The following PLAUR variants were observed in gnomAD, a reference collection of about 807,000 sequenced individuals.
PLAUR encodes the protein urokinase plasminogen activator surface receptor.
A neutral mutation model predicts 33.4 loss-of-function variants in PLAUR; 22 were observed. The observed-to-expected ratio is 0.66, with a 90% CI of 0.47 to 0.94. PLAUR has a LOEUF of 0.94. Among genes scored for constraint, PLAUR ranks in the 40% least tolerant of loss-of-function variants. The pLI, the probability that PLAUR is intolerant of heterozygous loss-of-function variation, is 0.00. For synonymous variants in PLAUR, 148 were observed against 167.3 expected, an observed-to-expected ratio of 0.88 and a Z score of 0.89; for missense variants, 408 against 434.7, an observed-to-expected ratio of 0.94 and a Z score of 0.55.
chr19:43,650,073 A>G (rs1973932486), intron 6 of PLAUR, among the ~76,000 whole-genome samples: 2 of 147,826 alleles, frequency 1.4e-5, no homozygotes, highest in Non-Finnish European at 3.0e-5. Context: ...GTGCAGTGGC[A>G]CGATCTCGGC....
intron 1 of PLAUR, chr19:43,668,149 A>G (rs780874736): frequency 3.0e-6 from 3 of 994,482 alleles, no homozygotes; most frequent in Non-Finnish European, 3.6e-6. Flanking sequence ...CCAGTGCCCT[A>G]ATGGAACTAT....
Position 43,654,125 on chromosome 19 carries a change from G to GAA in PLAUR, c.607+1312_607+1313dup, listed in dbSNP as rs533258807. On this transcript the variant is annotated intron_variant, in intron 5 of 6. Transcript: ENST00000340093. The stretch of plus-strand genomic sequence containing the variant: ...GGCAACAGCGCAAGACTCCATCTCA[G>GAA]AAAAAAAAAAAAAATGTAGCTGGGT... Among the ~76,000 whole-genome samples, 872 of 135,756 alleles carry GAA rather than the reference G, an allele frequency of 6.4e-3. 12 individuals carry two copies. Among genetic ancestry groups the GAA allele is most frequent in the African/African-American group, 0.022 (797 of 36,880 alleles). The allele number at this position is 135,756 out of a possible 152,430, so 89.1% of individuals were successfully genotyped here.
chr19:43,646,442 A>G (rs548739224), downstream of PLAUR: 66 of 718,000 alleles, frequency 9.2e-5, no homozygotes, highest in East Asian at 1.6e-3. Flanking sequence ...CTGGGGCTCT[A>G]TCTCCACATG....
chr19:43,668,052 C>A (rs929279070), intron 1 of PLAUR: 1 of 1,065,096 alleles, frequency 9.4e-7, no homozygotes, highest in Non-Finnish European at 1.1e-6. Flanking sequence ...ACCGCACCGG[C>A]CCTCGGTCGA....
At chr19:43,667,251 T>C in intron 2 of PLAUR, 1 of 369,104 alleles carries the variant, frequency 2.7e-6, no homozygotes, top group Admixed American at 4.0e-5. Flanking sequence ...CCTGGGTATA[T>C]GTGGCCAAGG....
Position 43,655,552 on chromosome 19 carries a change from T to C in PLAUR, c.494A>G (p.His165Arg). 1 of 1,614,064 alleles carries C rather than the reference T, an allele frequency of 6.2e-7. No homozygotes were observed. The highest frequency in any genetic ancestry group is 8.5e-7 in the Non-Finnish European group (1 of 1,179,990). Residue 165 changes from histidine (H) to arginine (R), a missense_variant, in exon 5 of 7, where the codon CAC becomes CGC. His to Arg is a conservative substitution (Grantham distance 29). Coordinates refer to ENST00000340093, the MANE Select transcript of PLAUR (RefSeq NM_002659.4). ...GEEGRPKDDR[H>R]LRGCGYLPGC... is the part of the protein sequence containing the mutation. Reference sequence around the variant, plus strand: ...GGGAAGGTAGCCACAGCCACGGAGGTGGCGGTCATCCTTTGGACGCCCTAT... The same window carrying C: ...GGGAAGGTAGCCACAGCCACGGAGGCGGCGGTCATCCTTTGGACGCCCTAT...
At chr19:43,658,282 T>C (rs1486735090) in intron 3 of PLAUR, among the ~76,000 whole-genome samples, 2 of 152,172 alleles carry the variant, frequency 1.3e-5, no homozygotes, top group Non-Finnish European at 2.9e-5. Context: ...GGAGCATTCA[T>C]GTGAGTGAAG....
At chr19:43,653,290 C>T (rs989270114) in intron 5 of PLAUR, among the ~76,000 whole-genome samples, 2 of 152,198 alleles carry the variant, frequency 1.3e-5, no homozygotes, top group African/African-American at 4.8e-5. Flanking sequence ...GGGAACATTT[C>T]TATCTGTTGA....
rs922394887 is a variant in PLAUR, at chr19:43,665,573, T to G, written c.167-114A>C. ...GGGCTGATCTCTGCTAGGCCTCTTC[T>G]GTTATTTGAGTCGAACTCTGTCTTT... On this transcript the variant is annotated intron_variant, in intron 2 of 6. Transcript: ENST00000340093. The G allele has an allele frequency of 2.9e-6, 3 of 1,050,024 alleles. No homozygotes were observed. The African/African-American group carries it at 4.8e-5, about 17-fold the overall frequency. 65.0% of individuals were successfully genotyped at this position (1,050,024 alleles called of 1,614,324 possible). A position where few individuals can be genotyped will look rare whatever the true frequency, so the allele number is the denominator to read the frequency against.
intron 3 of PLAUR, among the ~76,000 whole-genome samples, chr19:43,659,353 A>G (rs1269880447): frequency 1.3e-5 from 2 of 151,556 alleles, no homozygotes; most frequent in Non-Finnish European, 2.9e-5. Context: ...AGGTCTTGCT[A>G]TGTTACCCAG....
chr19:43,656,078 C>T (rs1426340754), intron 4 of PLAUR, among the ~76,000 whole-genome samples: 1 of 151,888 alleles, frequency 6.6e-6, no homozygotes, highest in African/African-American at 2.4e-5. Flanking sequence ...CATGGTGAAA[C>T]CCCATCTCTA....
chr19:43,668,368 C>T, intron 1 of PLAUR: 1 of 930,030 alleles, frequency 1.1e-6, no homozygotes, highest in Non-Finnish European at 1.3e-6. Flanking sequence ...TCTAGCCCCG[C>T]CCTTTAGCTC....
At chr19:43,650,887 G>T (rs965462608) in intron 6 of PLAUR, among the ~76,000 whole-genome samples, 1 of 151,632 alleles carries the variant, frequency 6.6e-6, no homozygotes, top group Non-Finnish European at 1.5e-5. Context: ...ACAAAAATAA[G>T]CTGGGCATGG....
intron 3 of PLAUR, among the ~76,000 whole-genome samples, chr19:43,662,971 G>C (rs547225589): frequency 6.6e-6 from 1 of 152,084 alleles, no homozygotes; most frequent in African/African-American, 2.4e-5. Flanking sequence ...GATTACAGGC[G>C]TGAGCCACTG....
In PLAUR at chr19:43,665,430, T is replaced by C. The variant is rs779740725; in HGVS notation, c.196A>G (p.Ser66Gly). The change falls in exon 3 of 7, where the codon AGC becomes GGC. Residue 66 changes from serine (S) to glycine (G), a missense_variant. By Grantham distance (56) the Ser-to-Gly change is moderately conservative. Coordinates refer to ENST00000340093, the MANE Select transcript of PLAUR (RefSeq NM_002659.4). Reference protein sequence around the residue: ...EGEELELVEKSCTHSEKTNRT... With the variant: ...EGEELELVEKGCTHSEKTNRT... ...TTGGTCTTCTCTGAGTGGGTACAGC[T>C]TTTCTCCACCAGCTCCAGCTCTTCT... The C allele has an allele frequency of 6.2e-7, 1 of 1,613,040 alleles. No homozygotes were observed. The highest frequency in any genetic ancestry group is 2.2e-5 in the East Asian group (1 of 44,720).
At position 43,667,664 on chromosome 19, in the gene PLAUR, C is replaced by T. The variant is rs201813003; in HGVS notation, c.83G>A (p.Cys28Tyr). Reference sequence around the variant, plus strand: ...CACACGGCAATCCCCGTTGGTCTTACACTGCATGCACCGCAGGCCCCAAGA... The same window carrying T: ...CACACGGCAATCCCCGTTGGTCTTATACTGCATGCACCGCAGGCCCCAAGA... ...PASWGLRCMQ[C>Y]KTNGDCRVEE... Residue 28 changes from cysteine (C) to tyrosine (Y), a missense_variant, in exon 2 of 7, where the codon TGT (cysteine) becomes TAT (tyrosine). Physicochemically the swap from Cys to Tyr is radical, Grantham distance 194. Transcript: ENST00000340093. 9 of 1,614,022 alleles carry T rather than the reference C, an allele frequency of 5.6e-6. No individual in the cohort carries two copies. Among genetic ancestry groups the T allele is most frequent in the Non-Finnish European group, 7.6e-6 (9 of 1,179,998 alleles).
rs761641354 is a variant in PLAUR, at chr19:43,652,277, G to A, written c.702C>T (p.Leu234=). 2 of 1,614,146 alleles carry A rather than the reference G, an allele frequency of 1.2e-6. No individual in the cohort carries two copies. The highest frequency in any genetic ancestry group is 1.3e-5 in the African/African-American group (1 of 75,046). The change falls in exon 6 of 7, where the codon CTC becomes CTT. Residue 234 remains leucine (L), a synonymous_variant. Coordinates refer to ENST00000340093, the MANE Select transcript of PLAUR (RefSeq NM_002659.4). ...THGCSSEETF[L]IDCRGPMNQC... ...GATTCATGGGGCCTCGGCAGTCAAT[G>A]AGGAAAGTCTCTTCAGAGGAGCATC...
intron 3 of PLAUR, among the ~76,000 whole-genome samples, chr19:43,662,428 G>A (rs2146263242): frequency 6.6e-6 from 1 of 152,214 alleles, no homozygotes; most frequent in South Asian, 2.1e-4. Context: ...AACCTAGGAG[G>A]CGGAGGTTGC....
rs59542257 is a variant in PLAUR, at chr19:43,663,300, TACACACACACACACACAC to T, written c.310+1998_310+2015del. ...TGGTGATGGATGGGTCTGTCACCCC[TACACACACACACACACAC>T]ACACACACACACACACACACACACA... is the stretch of plus-strand genomic sequence containing the variant. On this transcript the variant is annotated intron_variant, in intron 3 of 6. Transcript: ENST00000340093. Among the ~76,000 whole-genome samples, 1,204 of 131,872 alleles carry T rather than the reference TACACACACACACACACAC, an allele frequency of 9.1e-3. 16 individuals are homozygous for T. Among genetic ancestry groups the T allele is most frequent in the African/African-American group, 0.029 (1,027 of 35,038 alleles). 86.5% of individuals were successfully genotyped at this position (131,872 alleles called of 152,430 possible). A position where few individuals can be genotyped will look rare whatever the true frequency, so the allele number is the denominator to read the frequency against.
Sources: gnomAD v4.1 joint callset for allele counts (sites outside exome capture counted in the v4.1 genomes callset) on GRCh38, gnomAD v4.1.1 for gene constraint, MANE v1.5 for transcripts, NCBI Gene and HGNC (gene_info 2026-07-23, HGNC 2026-07-21) for gene names.